Variants in VOPP1 observed in about 807,000 individuals in gnomAD.
VOPP1 encodes the protein WW domain binding protein VOPP1.
Under a neutral mutation model 23.5 loss-of-function variants are expected in VOPP1, and 8 were observed. That is an observed-to-expected ratio of 0.34 (90% CI 0.20 to 0.61). The LOEUF is 0.61. VOPP1 is among the 20% of genes least tolerant of loss of function. The pLI is 0.78. For missense variants in VOPP1, 174 were observed against 238.1 expected, an observed-to-expected ratio of 0.73 and a Z score of 1.77; for synonymous variants, 83 against 97.3, an observed-to-expected ratio of 0.85 and a Z score of 0.86.
In VOPP1 at chr7:55,476,783, G is replaced by A. The variant is rs533655641; in HGVS notation, c.329-3738C>T. ...ACACAGGGCACCAGGGGCAGAGCTC[G>A]TTCCTGCCACCCAAGCTGTGGCAGG... On this transcript the variant is annotated intron_variant, in intron 4 of 4. Transcript: ENST00000285279. Among the ~76,000 whole-genome samples, 95 of 152,272 alleles carry A rather than the reference G, an allele frequency of 6.2e-4. No homozygotes were observed. In the East Asian group the frequency reaches 9.3e-3, roughly 15 times the overall value.
intron 3 of VOPP1, among the ~76,000 whole-genome samples, chr7:55,494,688 G>A (rs964602442): frequency 1.1e-4 from 17 of 152,110 alleles, no homozygotes; most frequent in Non-Finnish European, 2.4e-4. Context: ...CTATGTTGCC[G>A]AGTGATCTCA....
At chr7:55,497,905 A>T (rs1366242415) in intron 2 of VOPP1, among the ~76,000 whole-genome samples, 1 of 152,250 alleles carries the variant, frequency 6.6e-6, no homozygotes, top group African/African-American at 2.4e-5. Context: ...GGGCACAGTC[A>T]GGGTGATGCA....
At chr7:55,480,279 T>C (rs917685795) in intron 4 of VOPP1, among the ~76,000 whole-genome samples, 1 of 152,252 alleles carries the variant, frequency 6.6e-6, no homozygotes, top group African/African-American at 2.4e-5. Flanking sequence ...TGCTTGCTTT[T>C]TGAGTTATTG....
chr7:55,464,285 T>C (rs1010873585), intron 4 of VOPP1, among the ~76,000 whole-genome samples: 6 of 152,242 alleles, frequency 3.9e-5, no homozygotes, highest in African/African-American at 9.6e-5. Flanking sequence ...GCCTACCTGA[T>C]GGTGCATGCA....
At chr7:55,435,102 C>G (rs906553398), downstream of VOPP1, among the ~76,000 whole-genome samples, 34 of 152,344 alleles carry the variant, frequency 2.2e-4, no homozygotes, top group African/African-American at 7.7e-4. Flanking sequence ...ATGGCTCTAC[C>G]TTTCATGAGC....
chr7:55,548,423 G>A (rs775018660), intron 1 of VOPP1, among the ~76,000 whole-genome samples: 3 of 152,292 alleles, frequency 2.0e-5, no homozygotes, highest in East Asian at 1.9e-4. Context: ...CTCCGGACTC[G>A]GGGATACCCC....
chr7:55,565,221 C>T (rs981395417), intron 1 of VOPP1, among the ~76,000 whole-genome samples: 3 of 152,170 alleles, frequency 2.0e-5, no homozygotes, highest in Admixed American at 1.3e-4. Context: ...TACTGTTCTA[C>T]GGTATCTGAA....
rs1289337229 is a variant in VOPP1, at chr7:55,554,304, C to T, written c.54+17967G>A. Among the ~76,000 whole-genome samples, 6 of 152,274 alleles carry T rather than the reference C, an allele frequency of 3.9e-5. No individual in the cohort carries two copies. The East Asian group carries it at 1.2e-3, about 29-fold the overall frequency. On this transcript the variant is annotated intron_variant, in intron 1 of 4. Coordinates refer to ENST00000285279, the MANE Select transcript of VOPP1 (RefSeq NM_030796.5). ...CAGGAGAGGGCAGGTCTATCTCGTT[C>T]CATCCAGGATCTCACAGGGCACTGA...
At chr7:55,505,125 G>C (rs1000196601) in intron 2 of VOPP1, among the ~76,000 whole-genome samples, 2 of 152,168 alleles carry the variant, frequency 1.3e-5, no homozygotes, top group Non-Finnish European at 2.9e-5. Context: ...TTCTGTCACT[G>C]ACATGAAGGA....
rs555400903 is a variant in VOPP1, at chr7:55,442,412, G to A, written n.418-6238C>T. Among the ~76,000 whole-genome samples, 16 of 152,282 alleles carry A rather than the reference G, an allele frequency of 1.1e-4. 1 individual carries two copies. The South Asian group carries it at 3.3e-3, about 32-fold the overall frequency. ...AGAGCAAAGCAACGCCAGAAGACGT[G>A]CTAAAGTCAAAGCATTAAATTGTGT... On this transcript the variant is annotated intron_variant and non_coding_transcript_variant, in intron 4 of 4. Coordinates refer to the VOPP1 transcript ENST00000462326.
chr7:55,541,155 A>G (rs573800178), intron 1 of VOPP1, among the ~76,000 whole-genome samples: 3 of 152,208 alleles, frequency 2.0e-5, no homozygotes, highest in Non-Finnish European at 1.5e-5. Flanking sequence ...TTTCTTTGTG[A>G]GGTGATGAAA....
chr7:55,521,576 C>T (rs1167918643), intron 1 of VOPP1: 1 of 988,512 alleles, frequency 1.0e-6, no homozygotes, highest in Non-Finnish European at 1.2e-6. Flanking sequence ...CGCATTCCGA[C>T]CTACGTCTGC....
At chr7:55,496,655 C>A (rs1301671862) in intron 3 of VOPP1, among the ~76,000 whole-genome samples, 1 of 152,202 alleles carries the variant, frequency 6.6e-6, no homozygotes, top group African/African-American at 2.4e-5. Context: ...TCACCCAACA[C>A]GTGGAGTCCC....
chr7:55,569,445 A>C (rs772748472), intron 1 of VOPP1, among the ~76,000 whole-genome samples: 1 of 152,200 alleles, frequency 6.6e-6, no homozygotes. Flanking sequence ...TAGAGCATGC[A>C]AATTCCTAAC....
intron 1 of VOPP1, among the ~76,000 whole-genome samples, chr7:55,527,527 A>G (rs187508766): frequency 2.6e-5 from 4 of 152,226 alleles, no homozygotes; most frequent in Admixed American, 2.0e-4. Flanking sequence ...AATTCTGTCA[A>G]CTCTCCTAGA....
At chr7:55,539,920 C>G (rs894041941) in intron 1 of VOPP1, among the ~76,000 whole-genome samples, 1 of 151,356 alleles carries the variant, frequency 6.6e-6, no homozygotes, top group Non-Finnish European at 1.5e-5. Context: ...CACACACACA[C>G]ACACACACAC....
At chr7:55,533,987 C>T (rs767574043) in intron 1 of VOPP1, among the ~76,000 whole-genome samples, 19 of 152,130 alleles carry the variant, frequency 1.2e-4, no homozygotes, top group Non-Finnish European at 2.1e-4. Context: ...AAATAAGCAA[C>T]AGCTTTTCCA....
intron 1 of VOPP1, among the ~76,000 whole-genome samples, chr7:55,531,084 T>C (rs1796471833): frequency 2.0e-5 from 3 of 152,326 alleles, no homozygotes; most frequent in East Asian, 1.9e-4. Flanking sequence ...CACAGAACTA[T>C]ATAAAATGAA....
intron 2 of VOPP1, among the ~76,000 whole-genome samples, chr7:55,514,056 A>T (rs142828932): frequency 6.6e-6 from 1 of 152,140 alleles, no homozygotes; most frequent in African/African-American, 2.4e-5. Context: ...GATCCACCCC[A>T]GCGTCTGACT....
Sources: allele counts gnomAD v4.1 joint callset (sites outside exome capture counted in the v4.1 genomes callset), GRCh38; gene constraint gnomAD v4.1.1; transcripts MANE v1.5; gene names NCBI Gene and HGNC (gene_info 2026-07-23, HGNC 2026-07-21).